The following CLCNKA variants were observed in gnomAD, a reference collection of about 807,000 sequenced individuals.
CLCNKA encodes the protein chloride voltage-gated channel Ka.
CLCNKA carries 66 observed loss-of-function variants against 83.3 expected under a neutral mutation model. That is an observed-to-expected ratio of 0.79 (90% CI 0.65 to 0.97). The LOEUF is 0.97. CLCNKA is among the 50% of genes least tolerant of loss of function. The pLI is 0.00. For missense variants in CLCNKA, 806 were observed against 888.7 expected (o/e 0.91, Z 1.18); for synonymous variants, 357 against 370.4 (o/e 0.96, Z 0.42).
chr1:16,029,015 G>T, intron 11 of CLCNKA, 111 bp from the exon 12 acceptor site: 8 of 1,539,788 alleles, frequency 5.2e-6, no homozygotes, highest in Admixed American at 1.9e-5. Flanking sequence ...AAGGCCCCCC[G>T]CTGGGAAGTG....
At chr1:16,026,978 G>A (rs1167540784) in intron 7 of CLCNKA, 2 of 697,022 alleles carry the variant, frequency 2.9e-6, no homozygotes, top group Non-Finnish European at 4.9e-6. Flanking sequence ...GGTGCTGAGA[G>A]GCTTCAGGAT....
Position 16,026,679 on chromosome 1 carries a change from T to A in CLCNKA, c.577-18T>A. 6.2e-7 allele frequency: 1 copy of A among 1,613,642 alleles called. No homozygotes were observed. The highest frequency in any genetic ancestry group is 8.5e-7 in the Non-Finnish European group (1 of 1,179,854). ...GAGGGAGGGGGCTGACTCTGAGCCC[T>A]GGACTCGGATCCCCCAGAACAAGAG... On this transcript the variant is annotated intron_variant, in intron 6 of 19. Coordinates refer to ENST00000331433, the MANE Select transcript of CLCNKA (RefSeq NM_004070.4).
At chr1:16,027,004 T>G in intron 7 of CLCNKA, 1 of 656,762 alleles carries the variant, frequency 1.5e-6, no homozygotes, top group Non-Finnish European at 2.6e-6. Flanking sequence ...TACACAGACT[T>G]GGGTTTGAAA....
chr1:16,032,380 G>T (rs1420268691), intron 17 of CLCNKA, 63 bp from the exon 18 acceptor site: 16 of 1,554,204 alleles, frequency 1.0e-5, no homozygotes, highest in African/African-American at 8.1e-5. Context: ...TGAGGGAGAG[G>T]TGGTCTGAGA....
chr1:16,033,348 A>G, intron 19 of CLCNKA, 92 bp downstream of exon 19: 1 of 1,381,764 alleles, frequency 7.2e-7, no homozygotes, highest in Non-Finnish European at 1.0e-6. Context: ...GCATGCTCCC[A>G]TCCAAACCTG....
chr1:16,029,642 G>T (rs2022529631), intron 12 of CLCNKA, 89 bp from the exon 13 acceptor site: 1 of 1,520,848 alleles, frequency 6.6e-7, no homozygotes, highest in East Asian at 2.3e-5. Flanking sequence ...TTCTATCTAG[G>T]ACACTCCCCT....
At position 16,026,092 on chromosome 1, in the gene CLCNKA, G is replaced by A; in HGVS notation, c.359-16G>A. ...TAGAGATTGTCCCCTGCTTGTTCCTGTCCTGTCTGGCTAAGGTTCTGGAAT... is the reference window on the plus strand; with the variant it reads ...TAGAGATTGTCCCCTGCTTGTTCCTATCCTGTCTGGCTAAGGTTCTGGAAT... On this transcript the variant is annotated splice_polypyrimidine_tract_variant and intron_variant, in intron 4 of 19. Coordinates refer to ENST00000331433, the MANE Select transcript of CLCNKA (RefSeq NM_004070.4). 6.2e-7 allele frequency: 1 copy of A among 1,612,244 alleles called. No homozygotes were observed. Among genetic ancestry groups the A allele is most frequent in the Non-Finnish European group, 8.5e-7 (1 of 1,179,988 alleles).
intron 13 of CLCNKA, 34 bp from the exon 14 acceptor site, chr1:16,029,931 G>C (rs1305818911): frequency 6.3e-7 from 1 of 1,598,934 alleles, no homozygotes; most frequent in East Asian, 2.2e-5. Context: ...GGCCGGGTCA[G>C]CCTGGCTCCC....
intron 7 of CLCNKA, 85 bp from the exon 8 acceptor site, chr1:16,027,225 A>G (rs2022397590): frequency 1.5e-5 from 23 of 1,548,778 alleles, no homozygotes; most frequent in Non-Finnish European, 1.9e-5. Context: ...CAGATGGCTC[A>G]GGGAGGAGGC....
At position 16,029,349 on chromosome 1, in the gene CLCNKA, G is replaced by A. The variant is rs1176702953; in HGVS notation, c.1227+50G>A. On this transcript the variant is annotated intron_variant, in intron 12 of 19. Transcript: ENST00000331433. ...GCACAGAGCCAGGACCAGCTCTGGT[G>A]GGGAGGGGCGGGGGTGCCTCCCTGC... 2.5e-6 allele frequency: 4 copies of A among 1,612,204 alleles called. No individual in the cohort carries two copies. The Admixed American group carries it at 6.7e-5, about 27-fold the overall frequency.
intron 11 of CLCNKA, 41 bp downstream of exon 11, chr1:16,028,886 C>A: frequency 6.2e-7 from 1 of 1,603,128 alleles, no homozygotes; most frequent in Non-Finnish European, 8.5e-7. Context: ...TGGGAACCCC[C>A]ATTTGTTTTC....
At chr1:16,026,798 C>T in intron 7 of CLCNKA, 23 bp downstream of exon 7, 4 of 1,604,138 alleles carry the variant, frequency 2.5e-6, no homozygotes, top group African/African-American at 1.3e-5. Context: ...TCATGCCCCG[C>T]CCCCTGGGTC....
At chr1:16,028,977 A>G in intron 11 of CLCNKA, 132 bp downstream of exon 11, 2 of 1,501,678 alleles carry the variant, frequency 1.3e-6, no homozygotes, top group Non-Finnish European at 1.8e-6. Context: ...TAAGGAGACC[A>G]TGGCTCTGGG....
chr1:16,023,939 C>A lies in CLCNKA; in HGVS notation c.229+11C>A. On this transcript the variant is annotated intron_variant, in intron 3 of 19. Transcript: ENST00000331433. ...GGTGTGTGGTCCGAGGTAACTCTTC[C>A]CTGGCAGGTGCTGCTCTGGGCCAAG... The A allele has an allele frequency of 6.2e-7, 1 of 1,613,832 alleles. No individual in the cohort carries two copies. Among genetic ancestry groups the A allele is most frequent in the Non-Finnish European group, 8.5e-7 (1 of 1,179,818 alleles).
intron 5 of CLCNKA, 114 bp downstream of exon 5, chr1:16,026,361 C>A: frequency 6.8e-7 from 1 of 1,468,636 alleles, no homozygotes; most frequent in Non-Finnish European, 9.3e-7. Flanking sequence ...TGCCTGCCTT[C>A]AGGGAGCTCA....
chr1:16,029,014 C>G (rs1039274606), intron 11 of CLCNKA, 112 bp from the exon 12 acceptor site: 1 of 1,535,002 alleles, frequency 6.5e-7, no homozygotes, highest in Non-Finnish European at 8.9e-7. Flanking sequence ...CAAGGCCCCC[C>G]GCTGGGAAGT....
chr1:16,027,042 G>A, intron 7 of CLCNKA: 3 of 648,448 alleles, frequency 4.6e-6, no homozygotes, highest in South Asian at 1.9e-5. Flanking sequence ...CTCTCTGAGC[G>A]CAGCTTCCTC....
At chr1:16,028,161 CT>C (rs768521208) in intron 10 of CLCNKA, 42 bp downstream of exon 10, 4 of 1,553,056 alleles carry the variant, frequency 2.6e-6, no homozygotes, top group Non-Finnish European at 2.7e-6. Flanking sequence ...CAGTGAGTCC[CT>C]TGTGGACTCC....
chr1:16,027,219 T>C (rs2022396940), intron 7 of CLCNKA, 91 bp from the exon 8 acceptor site: 1 of 1,557,318 alleles, frequency 6.4e-7, no homozygotes, highest in South Asian at 1.1e-5. Context: ...GCAGGACAGA[T>C]GGCTCAGGGA....
Sources: allele counts gnomAD v4.1 joint callset, GRCh38; gene constraint gnomAD v4.1.1; transcripts MANE v1.5; gene names NCBI Gene and HGNC (gene_info 2026-07-23, HGNC 2026-07-21).